NBPF14: variants seen among roughly 807,000 people sequenced by gnomAD.
NBPF14 encodes the protein NBPF family member NBPF14.
Under a neutral mutation model 91.2 loss-of-function variants are expected in NBPF14, and 104 were observed. The observed-to-expected ratio is 1.14, with a 90% CI of 0.97 to 1.34. NBPF14 has a LOEUF of 1.34. NBPF14 is among the 40% of genes most tolerant of loss of function. The probability of loss-of-function intolerance (pLI) is 0.00; values close to 1 mark genes in which losing one functional copy is unlikely to be tolerated. For synonymous variants in NBPF14, 294 were observed against 303.8 expected (o/e 0.97, Z 0.34); for missense variants, 908 against 783.0 (o/e 1.16, Z -1.91).
At chr1:148,534,934 A>C (rs1654767584) in intron 68 of NBPF14, 78 bp from the exon 69 acceptor site, 3 of 744,180 alleles carry the variant, frequency 4.0e-6, no homozygotes, top group African/African-American at 2.0e-5. Context: ...TTCATGGCTA[A>C]CATAAGGAAC....
chr1:148,534,209 C>A (rs1306908658), intron 69 of NBPF14, among the ~76,000 whole-genome samples: 1 of 150,554 alleles, frequency 6.6e-6, no homozygotes, highest in African/African-American at 2.5e-5. Flanking sequence ...ATCATTTGTC[C>A]CAAGTTTCTG....
At chr1:148,542,157 A>C in intron 59 of NBPF14, among the ~76,000 whole-genome samples, 1 of 104,740 alleles carries the variant, frequency 9.5e-6, no homozygotes. Context: ...CTAGGAGAAA[A>C]ACTGCAATAT....
At chr1:148,595,048 G>T (rs1663090954) in intron 2 of NBPF14, among the ~76,000 whole-genome samples, 1 of 137,450 alleles carries the variant, frequency 7.3e-6, no homozygotes, top group East Asian at 2.1e-4. Flanking sequence ...GTTCTATTAG[G>T]AGCAGACTCC....
Position 148,559,499 on chromosome 1 carries a change from T to C in NBPF14, c.4729+294A>G, listed in dbSNP as rs1343544407. Among the ~76,000 whole-genome samples, 2 of 125,850 alleles carry C rather than the reference T, an allele frequency of 1.6e-5. 1 individual carries two copies. Among genetic ancestry groups the C allele is most frequent in the African/African-American group, 8.1e-5 (2 of 24,654 alleles). 82.6% of individuals were successfully genotyped at this position (125,850 alleles called of 152,430 possible). On this transcript the variant is annotated intron_variant, in intron 37 of 70. Transcript: ENST00000619423. ...ATGAAATCTACAAGATCTACAAAAT[T>C]GAGACAAAATCAGAGTTGTGTGAAT...
chr1:148,576,801 C>G, intron 15 of NBPF14, among the ~76,000 whole-genome samples: 3 of 149,564 alleles, frequency 2.0e-5, no homozygotes, highest in South Asian at 2.2e-4. Context: ...TCAGCCCTGT[C>G]TCATCAAATA....
At chr1:148,559,651 G>C (rs1252323587) in intron 37 of NBPF14, 142 bp downstream of exon 37, 1 of 594,410 alleles carries the variant, frequency 1.7e-6, no homozygotes, top group Non-Finnish European at 2.9e-6. Context: ...TGGAACTAGA[G>C]TTTCATTCAA....
In NBPF14 at chr1:148,535,351, C is replaced by T. The variant is rs1470311606; in HGVS notation, c.8441+102G>A. On this transcript the variant is annotated intron_variant, in intron 68 of 70. Coordinates refer to ENST00000619423, the Ensembl canonical transcript of NBPF14. ...AGCAATGTCAGTAGGAGTAATTCAA[C>T]CTTCGCTGAAAACATGAAATTGAAC... 2 of 577,794 alleles carry T rather than the reference C, an allele frequency of 3.5e-6. 1 individual carries two copies. The highest frequency in any genetic ancestry group is 6.1e-5 in the Admixed American group (2 of 33,010). The allele number at this position is 577,794 out of a possible 1,614,324, so 35.8% of individuals were successfully genotyped here.
chr1:148,542,107 T>C (rs1258343581), intron 59 of NBPF14, among the ~76,000 whole-genome samples: 1 of 102,352 alleles, frequency 9.8e-6, no homozygotes, highest in Non-Finnish European at 1.7e-5. Flanking sequence ...TTACGCCATA[T>C]TTTTCCAATC....
intron 6 of NBPF14, among the ~76,000 whole-genome samples, chr1:148,590,285 C>T (rs1436882188): frequency 7.0e-6 from 1 of 142,160 alleles, no homozygotes; most frequent in Non-Finnish European, 1.6e-5. Flanking sequence ...TCTCAATCTC[C>T]TGACCTCATG....
intron 40 of NBPF14, among the ~76,000 whole-genome samples, chr1:148,557,083 C>G (rs1219878541): frequency 8.0e-6 from 1 of 124,662 alleles, no homozygotes; most frequent in Non-Finnish European, 1.6e-5. Flanking sequence ...CACACACACA[C>G]ACACAGAGAG....
At chr1:148,534,434 CA>C (rs1654555004) in intron 69 of NBPF14, among the ~76,000 whole-genome samples, 1 of 151,678 alleles carries the variant, frequency 6.6e-6, no homozygotes, top group Non-Finnish European at 1.5e-5. Flanking sequence ...TGCCCAGGTC[CA>C]ATGTCATGAG....
chr1:148,593,184 A>G (rs1662778673), intron 3 of NBPF14, among the ~76,000 whole-genome samples: 1 of 148,334 alleles, frequency 6.7e-6, no homozygotes, highest in African/African-American at 2.4e-5. Context: ...AGATGAAAGA[A>G]GAAAAGAAGG....
At chr1:148,566,268 T>A in exon 29 of NBPF14, 1 of 653,730 alleles carries the variant, frequency 1.5e-6, no homozygotes, top group South Asian at 1.6e-5. Flanking sequence ...ATCCAGTGAG[T>A]CCTGCAAGAC....
exon 13 of NBPF14, chr1:148,579,096 G>C (rs1163394504): frequency 2.7e-5 from 14 of 513,604 alleles, no homozygotes; most frequent in Non-Finnish European, 4.7e-5. Flanking sequence ...CAGCCATGCA[G>C]ACTTGCTGTT....
chr1:148,535,338 A>G (rs1365895259), intron 68 of NBPF14, 115 bp downstream of exon 68: 4 of 591,112 alleles, frequency 6.8e-6, no homozygotes, highest in African/African-American at 6.1e-5. Context: ...CAATGTCAGT[A>G]GGAGTAATTC....
rs1207568443 is a variant in NBPF14, at chr1:148,566,323, A to T, written c.3543-8T>A. ...AGCAGCTCCCTGCTGAGCCTGGAAAAGGAGGAAAAGGTAAAGAATAAGCCA... is the reference window on the plus strand; with the variant it reads ...AGCAGCTCCCTGCTGAGCCTGGAAATGGAGGAAAAGGTAAAGAATAAGCCA... On this transcript the variant is annotated splice_polypyrimidine_tract_variant and splice_region_variant and intron_variant, in intron 28 of 70. Coordinates refer to ENST00000619423, the Ensembl canonical transcript of NBPF14. The T allele has an allele frequency of 1.6e-5, 12 of 764,670 alleles. 2 individuals carry two copies. Among genetic ancestry groups the T allele is most frequent in the Non-Finnish European group, 2.1e-5 (9 of 436,336 alleles). The allele number at this position is 764,670 out of a possible 1,614,324, so 47.4% of individuals were successfully genotyped here. A position where few individuals can be genotyped will look rare whatever the true frequency, so the allele number is the denominator to read the frequency against.
intron 59 of NBPF14, among the ~76,000 whole-genome samples, chr1:148,542,126 G>C (rs1449546907): frequency 9.6e-6 from 1 of 104,426 alleles, no homozygotes; most frequent in East Asian, 4.2e-4. Flanking sequence ...TCAACTTAAA[G>C]CATATACCCT....
At chr1:148,572,567 G>A (rs1659256006) in exon 21 of NBPF14, 4 of 653,536 alleles carry the variant, frequency 6.1e-6, no homozygotes, top group Non-Finnish European at 8.1e-6. Context: ...TATCCAGTGA[G>A]TCCTGCAAGA....
intron 3 of NBPF14, among the ~76,000 whole-genome samples, chr1:148,593,142 A>T (rs1662768789): frequency 6.8e-6 from 1 of 147,868 alleles, no homozygotes; most frequent in African/African-American, 2.5e-5. Flanking sequence ...ACGTACAGAA[A>T]TGAGGCCAGG....
Sources: allele counts gnomAD v4.1 joint callset (sites outside exome capture counted in the v4.1 genomes callset), GRCh38; gene constraint gnomAD v4.1.1; transcripts MANE v1.5; gene names NCBI Gene and HGNC (gene_info 2026-07-23, HGNC 2026-07-21).